Variants in GLP1R observed in about 807,000 individuals in gnomAD.
GLP1R encodes the protein glucagon-like peptide 1 receptor.
GLP1R carries 32 observed loss-of-function variants against 68.4 expected under a neutral mutation model. The ratio of observed to expected loss-of-function variants is 0.47; its 90% CI spans 0.35 to 0.63. The LOEUF (loss-of-function observed/expected upper bound fraction) is 0.63. Among genes scored for constraint, GLP1R ranks in the 20% least tolerant of loss-of-function variants. The pLI is 0.00. For missense variants in GLP1R, 502 were observed against 594.9 expected (o/e 0.84, Z 1.62); for synonymous variants, 263 against 244.4 (o/e 1.08, Z -0.71).
At position 39,089,244 on chromosome 6, in the gene GLP1R, T is replaced by C. The variant is rs752167203; in HGVS notation, c.*3171T>C. Among the ~76,000 whole-genome samples the C allele has an allele frequency of 6.6e-6, 1 of 152,264 alleles. No homozygotes were observed. The highest frequency in any genetic ancestry group is 2.4e-5 in the African/African-American group (1 of 41,476). ...CATAGAAACAGCACATAAGCCATTTTGGATGGCAATTCCAGCACTCTTTTA... is the reference window on the plus strand; with the variant it reads ...CATAGAAACAGCACATAAGCCATTTCGGATGGCAATTCCAGCACTCTTTTA... On this transcript the variant is annotated 3_prime_UTR_variant, in exon 13 of 13. Coordinates refer to ENST00000373256, the MANE Select transcript of GLP1R (RefSeq NM_002062.5). The surrounding 1 kb of genome is among the most constrained non-coding windows in gnomAD (Gnocchi z 4.1).
intron 12 of GLP1R, among the ~76,000 whole-genome samples, chr6:39,083,509 GA>G: frequency 1.3e-5 from 2 of 152,326 alleles, no homozygotes; most frequent in Middle Eastern, 3.4e-3. Context: ...TGGGGACAGG[GA>G]GGGGGAGGCC....
rs1768037620 is a variant in GLP1R at position 39,049,518 on chromosome 6, C to A, written c.78+600C>A. ...GCAGCTTGTCCTTCCCAGTGACCTCCCAGATGGAACCTACCCCCCGTCCCC... is the reference window on the plus strand; with the variant it reads ...GCAGCTTGTCCTTCCCAGTGACCTCACAGATGGAACCTACCCCCCGTCCCC... On this transcript the variant is annotated intron_variant, in intron 1 of 12. Coordinates refer to ENST00000373256, the MANE Select transcript of GLP1R (RefSeq NM_002062.5). This position sits in a 1 kb window ranked among gnomAD's most constrained non-coding sequence, Gnocchi z 4.5. Among the ~76,000 whole-genome samples, 1 of 152,082 alleles carries A rather than the reference C, an allele frequency of 6.6e-6. No homozygotes were observed. Among genetic ancestry groups the A allele is most frequent in the African/African-American group, 2.4e-5 (1 of 41,390 alleles).
chr6:39,064,654 C>T (rs1768449555), intron 3 of GLP1R, among the ~76,000 whole-genome samples: 1 of 152,168 alleles, frequency 6.6e-6, no homozygotes, highest in Non-Finnish European at 1.5e-5. Context: ...TAAGCAGTGG[C>T]CTCTATCAGC....
chr6:39,054,185 G>C (rs914141468), intron 1 of GLP1R, among the ~76,000 whole-genome samples: 7 of 152,012 alleles, frequency 4.6e-5, no homozygotes, highest in Admixed American at 3.3e-4. Context: ...ATTGACCCCC[G>C]AGTAGCCTGA....
chr6:39,071,686 A>T (rs1768671418), intron 5 of GLP1R, among the ~76,000 whole-genome samples: 1 of 152,084 alleles, frequency 6.6e-6, no homozygotes, highest in South Asian at 2.1e-4. Context: ...CTGTCCGGAT[A>T]CCATGGTGCC....
chr6:39,074,334 A>T (rs1216349804), intron 7 of GLP1R: 2 of 152,158 alleles, frequency 1.3e-5, no homozygotes, highest in Non-Finnish European at 2.9e-5. Context: ...TAGCCAAAAA[A>T]GTTTGCCAAG....
Position 39,089,112 on chromosome 6 carries a change from T to G in GLP1R, c.*3039T>G, listed in dbSNP as rs1188956220. On this transcript the variant is annotated 3_prime_UTR_variant, in exon 13 of 13. Transcript: ENST00000373256. This position sits in a 1 kb window ranked among gnomAD's most constrained non-coding sequence, Gnocchi z 4.1. The stretch of plus-strand genomic sequence containing the variant: ...TGAAAGTGTCATCTCCTTTGTAATT[T>G]ATACTGGTGAGAGGAGGGGAAGGAT... 2.6e-5 allele frequency among the ~76,000 whole-genome samples: 4 copies of G among 152,250 alleles called. No homozygotes were observed. Among genetic ancestry groups the G allele is most frequent in the African/African-American group, 9.6e-5 (4 of 41,460 alleles).
At chr6:39,065,516 A>T (rs1477882737) in intron 3 of GLP1R, among the ~76,000 whole-genome samples, 195 bp from the exon 4 acceptor site, 1 of 152,176 alleles carries the variant, frequency 6.6e-6, no homozygotes, top group Admixed American at 6.5e-5. Context: ...AACAGCGTAT[A>T]TGTCAGGGGA....
chr6:39,080,742 A>G lies in GLP1R; in HGVS notation c.1224+3A>G. 2 of 1,588,526 alleles carry G rather than the reference A, an allele frequency of 1.3e-6. No individual in the cohort carries two copies. The highest frequency in any genetic ancestry group is 2.3e-5 in the East Asian group (1 of 42,986). On this transcript the variant is annotated splice_donor_region_variant and intron_variant, in intron 12 of 12. Transcript: ENST00000373256. ...TATACTGCTTTGTCAACAATGAGGT[A>G]AGCTCTGAGGAGGGACGGTGGGGAC...
At chr6:39,050,823 C>A (rs1323849496) in intron 1 of GLP1R, among the ~76,000 whole-genome samples, 1 of 152,132 alleles carries the variant, frequency 6.6e-6, no homozygotes, top group East Asian at 1.9e-4. Flanking sequence ...AAAAGAGGGT[C>A]CCCTGTATAA....
At chr6:39,080,981 A>G (rs7769547) in intron 12 of GLP1R, among the ~76,000 whole-genome samples, 82,909 of 151,658 alleles carry the variant, frequency 0.55, 23,003 homozygotes, top group Admixed American at 0.58. Context: ...TGTGACCCTA[A>G]GGAAGACCCA....
chr6:39,063,862 G>T (rs1363462338), intron 3 of GLP1R, among the ~76,000 whole-genome samples: 1 of 149,852 alleles, frequency 6.7e-6, no homozygotes, highest in Non-Finnish European at 1.5e-5. Flanking sequence ...CACCCCTGAG[G>T]GTCAGGCCCT....
rs1268387090 is a variant in GLP1R, at chr6:39,088,389, T to C, written c.*2316T>C. Among the ~76,000 whole-genome samples, 1 of 152,168 alleles carries C rather than the reference T, an allele frequency of 6.6e-6. No individual in the cohort carries two copies. ...ATGGCTCCAACAGGTCTGGGAACTA[T>C]TGAATGCAATGTACTCTGAAATTCC... is the stretch of plus-strand genomic sequence containing the variant. On this transcript the variant is annotated 3_prime_UTR_variant, in exon 13 of 13. Coordinates refer to ENST00000373256, the MANE Select transcript of GLP1R (RefSeq NM_002062.5).
rs144639782 is a variant in GLP1R, at chr6:39,083,392, G to T, written c.1225-2514G>T. 8.1e-4 allele frequency among the ~76,000 whole-genome samples: 124 copies of T among 152,374 alleles called. 1 individual carries two copies. The highest frequency in any genetic ancestry group is 2.8e-3 in the African/African-American group (115 of 41,590). On this transcript the variant is annotated intron_variant, in intron 12 of 12. Coordinates refer to ENST00000373256, the MANE Select transcript of GLP1R (RefSeq NM_002062.5). ...CCACAAGAGCTGTTCTGCAGACCCA[G>T]GGTTGCCATGGCAATGCCAGGTACT...
At chr6:39,050,320 G>A (rs150425161) in intron 1 of GLP1R, among the ~76,000 whole-genome samples, 49 of 152,316 alleles carry the variant, frequency 3.2e-4, no homozygotes, top group African/African-American at 1.1e-3. Context: ...TGGGATAGGG[G>A]TGGAGGCTCT....
At chr6:39,058,387 C>T (rs909861210) in intron 3 of GLP1R, among the ~76,000 whole-genome samples, 2 of 152,106 alleles carry the variant, frequency 1.3e-5, no homozygotes, top group East Asian at 3.9e-4. Context: ...TCAGCTCACT[C>T]CTGCCTGCAA....
intron 1 of GLP1R, among the ~76,000 whole-genome samples, chr6:39,052,043 C>T (rs1206620805): frequency 6.6e-6 from 1 of 151,544 alleles, no homozygotes; most frequent in Non-Finnish European, 1.5e-5. Flanking sequence ...GTGTACCTGG[C>T]AGTCTGTGAG....
intron 5 of GLP1R, among the ~76,000 whole-genome samples, chr6:39,067,709 A>C (rs1045794339): frequency 6.6e-6 from 1 of 152,204 alleles, no homozygotes; most frequent in Admixed American, 6.5e-5. Flanking sequence ...AAATACATTC[A>C]TTTAATCCCA....
chr6:39,066,622 T>C (rs931172214), intron 5 of GLP1R, among the ~76,000 whole-genome samples: 1 of 152,230 alleles, frequency 6.6e-6, no homozygotes, highest in East Asian at 1.9e-4. Flanking sequence ...TCTTCTCCAA[T>C]GAACATGTGT....
Sources: gnomAD v4.1 joint callset for allele counts (sites outside exome capture counted in the v4.1 genomes callset) on GRCh38, gnomAD v4.1.1 for gene constraint, Gnocchi (gnomAD v3.1) non-coding constraint, MANE v1.5 for transcripts, NCBI Gene and HGNC (gene_info 2026-07-23, HGNC 2026-07-21) for gene names.